Variants in TTLL5 observed in about 807,000 individuals in gnomAD.
TTLL5 encodes the protein tubulin polyglutamylase TTLL5.
TTLL5 carries 132 observed loss-of-function variants against 168.4 expected under a neutral mutation model. The ratio of observed to expected loss-of-function variants is 0.78; its 90% CI spans 0.68 to 0.91. The LOEUF (loss-of-function observed/expected upper bound fraction) is 0.91. TTLL5 is among the 40% of genes least tolerant of loss of function. The probability of loss-of-function intolerance (pLI) is 0.00; values close to 1 mark genes in which losing one functional copy is unlikely to be tolerated. For missense variants in TTLL5, 1,545 were observed against 1,581.5 expected (o/e 0.98, Z 0.39); for synonymous variants, 546 against 558.6 (o/e 0.98, Z 0.32).
intron 27 of TTLL5, among the ~76,000 whole-genome samples, chr14:75,800,895 T>C (rs1893268596): frequency 6.6e-6 from 1 of 152,150 alleles, no homozygotes; most frequent in Non-Finnish European, 1.5e-5. Context: ...CTCTGTGGAC[T>C]CTGTGAGGGT....
chr14:75,907,968 T>C (rs747759774), intron 31 of TTLL5, among the ~76,000 whole-genome samples: 4 of 151,320 alleles, frequency 2.6e-5, no homozygotes, highest in Non-Finnish European at 3.0e-5. Context: ...GCCACAGTTA[T>C]AATATCACTT....
At chr14:75,889,748 C>T (rs569066297) in intron 30 of TTLL5, among the ~76,000 whole-genome samples, 65 of 150,028 alleles carry the variant, frequency 4.3e-4, no homozygotes, top group Middle Eastern at 3.4e-3. Flanking sequence ...GAGAATCGCT[C>T]GAGCCTGGGA....
chr14:75,800,384 TA>T (rs1314048958), intron 27 of TTLL5, among the ~76,000 whole-genome samples: 1 of 152,178 alleles, frequency 6.6e-6, no homozygotes, highest in Admixed American at 6.5e-5. Flanking sequence ...GTATTATTAT[TA>T]TTTTTTTAGT....
At chr14:75,679,491 C>G (rs1884437165) in intron 3 of TTLL5, among the ~76,000 whole-genome samples, 1 of 152,180 alleles carries the variant, frequency 6.6e-6, no homozygotes, top group South Asian at 2.1e-4. Context: ...AATAAATTTG[C>G]CTTACAACAA....
intron 31 of TTLL5, among the ~76,000 whole-genome samples, chr14:75,917,598 CT>C (rs2033664956): frequency 6.6e-6 from 1 of 152,206 alleles, no homozygotes; most frequent in African/African-American, 2.4e-5. Context: ...AGCCATTTAA[CT>C]TTCTCTTATT....
intron 16 of TTLL5, 62 bp from the exon 17 acceptor site, chr14:75,745,428 C>T (rs1295288184): frequency 1.1e-5 from 17 of 1,524,192 alleles, no homozygotes; most frequent in Non-Finnish European, 1.5e-5. Flanking sequence ...TTCCTTTGTC[C>T]TATAGCCACA....
chr14:75,873,363 CA>C (rs2031205664), intron 29 of TTLL5, among the ~76,000 whole-genome samples: 1 of 152,194 alleles, frequency 6.6e-6, no homozygotes, highest in African/African-American at 2.4e-5. Context: ...TGTGAGCCAC[CA>C]CGCCCGGCCC....
chr14:75,752,938 A>G lies in TTLL5; in HGVS notation c.1533A>G (p.Thr511=), dbSNP rs772916427. Reference sequence around the variant, plus strand: ...CCTCAATGAACTATATGCTGGCAACACGCCTCTTCCAGGACAGGTAGAGAT... The same window carrying G: ...CCTCAATGAACTATATGCTGGCAACGCGCCTCTTCCAGGACAGGTAGAGAT... ...HKTSMNYMLA[T]RLFQDRMTAD... Residue 511 remains threonine, a synonymous_variant, in exon 18 of 32, where the codon ACA becomes ACG. Transcript: ENST00000298832. The G allele has an allele frequency of 6.2e-7, 1 of 1,613,378 alleles. No individual in the cohort carries two copies. Among genetic ancestry groups the G allele is most frequent in the Admixed American group, 1.7e-5 (1 of 60,016 alleles).
intron 28 of TTLL5, among the ~76,000 whole-genome samples, chr14:75,839,342 A>G (rs576223494): frequency 6.6e-6 from 1 of 152,202 alleles, no homozygotes; most frequent in African/African-American, 2.4e-5. Context: ...GCAGTGCACA[A>G]GGGTTCCAAT....
At chr14:75,749,037 C>T (rs531770285) in intron 17 of TTLL5, among the ~76,000 whole-genome samples, 6 of 152,098 alleles carry the variant, frequency 3.9e-5, no homozygotes, top group East Asian at 1.9e-4. Context: ...ATAGAGAAAT[C>T]GTCCTTTTAT....
At chr14:75,696,306 A>G (rs1403041219) in intron 6 of TTLL5, among the ~76,000 whole-genome samples, 4 of 152,262 alleles carry the variant, frequency 2.6e-5, no homozygotes, top group East Asian at 1.9e-4. Context: ...AATCTTCATG[A>G]TGGAAAAGAC....
At chr14:75,698,411 A>ATT (rs199591279) in intron 6 of TTLL5, among the ~76,000 whole-genome samples, 3 of 151,884 alleles carry the variant, frequency 2.0e-5, no homozygotes, top group African/African-American at 7.2e-5. Context: ...TTTACAGTGA[A>ATT]TTTTTTTTTA....
chr14:75,913,814 G>A (rs958818418), intron 31 of TTLL5, among the ~76,000 whole-genome samples: 1 of 151,518 alleles, frequency 6.6e-6, no homozygotes. Context: ...AGGAGTTCAA[G>A]ACCAGCGTGG....
intron 31 of TTLL5, among the ~76,000 whole-genome samples, chr14:75,949,087 CATT>C (rs2034869111): frequency 6.6e-6 from 1 of 152,042 alleles, no homozygotes; most frequent in Admixed American, 6.6e-5. Context: ...GCAGATCTGT[CATT>C]ATTCTCAGAT....
chr14:75,836,414 G>C (rs1216601346), intron 28 of TTLL5, among the ~76,000 whole-genome samples: 1 of 150,082 alleles, frequency 6.7e-6, no homozygotes, highest in African/African-American at 2.5e-5. Flanking sequence ...GGGGTTAGGG[G>C]TGACAGGGGG....
chr14:75,800,890 T>C (rs1893268352), intron 27 of TTLL5, among the ~76,000 whole-genome samples: 1 of 152,170 alleles, frequency 6.6e-6, no homozygotes, highest in East Asian at 1.9e-4. Flanking sequence ...GTGAGCTCTG[T>C]GGACTCTGTG....
At chr14:75,747,442 A>C (rs1889682997) in intron 17 of TTLL5, among the ~76,000 whole-genome samples, 1 of 151,320 alleles carries the variant, frequency 6.6e-6, no homozygotes, top group South Asian at 2.1e-4. Context: ...TTGTTTCTTC[A>C]CATGTACAGT....
intron 20 of TTLL5, among the ~76,000 whole-genome samples, chr14:75,770,495 A>T (rs1891240286): frequency 6.6e-6 from 1 of 152,202 alleles, no homozygotes; most frequent in Admixed American, 6.5e-5. Context: ...TGGGGATTGT[A>T]AACAAAGTTT....
intron 27 of TTLL5, among the ~76,000 whole-genome samples, chr14:75,804,081 T>C (rs1893505012): frequency 6.6e-6 from 1 of 152,130 alleles, no homozygotes; most frequent in African/African-American, 2.4e-5. Context: ...AACCAGCCAG[T>C]GCCCGGGATG....
Sources: allele counts gnomAD v4.1 joint callset (sites outside exome capture counted in the v4.1 genomes callset), GRCh38; gene constraint gnomAD v4.1.1; transcripts MANE v1.5; gene names NCBI Gene and HGNC (gene_info 2026-07-23, HGNC 2026-07-21).